GRIN2A: variants seen among roughly 807,000 people sequenced by gnomAD.
GRIN2A encodes the protein glutamate receptor ionotropic, NMDA 2A.
GRIN2A carries 22 observed loss-of-function variants against 113.4 expected under a neutral mutation model. The observed-to-expected ratio is 0.19, with a 90% CI of 0.14 to 0.28. The LOEUF is 0.28. Ranked by LOEUF, GRIN2A falls within the 10% of genes least tolerant of loss-of-function variation. The pLI is 1.00. For synonymous variants in GRIN2A, 827 were observed against 738.4 expected, an observed-to-expected ratio of 1.12 and a Z score of -1.94; for missense variants, 1,502 against 1,887.0, an observed-to-expected ratio of 0.80 and a Z score of 3.78.
Position 10,180,216 on chromosome 16 carries a change from C to A in GRIN2A, c.196G>T (p.Asp66Tyr). Residue 66 changes from aspartate to tyrosine, a missense_variant, in exon 2 of 13, where the codon GAC becomes TAC. This residue lies in a region of GRIN2A where 149 missense variants were observed against 179.1 expected (regional missense o/e 0.83). Transcript: ENST00000330684. The surrounding 1 kb of genome is among the most constrained non-coding windows in gnomAD (Gnocchi z 7.0). ...ATCAGCAGAGCTACCACGTTCACGT[C>A]CAGGGGCAGCCCCGCCGCCTGCTCG... ...GPEQAAGLPL[D>Y]VNVVALLMNR... 1 of 1,614,124 alleles carries A rather than the reference C, an allele frequency of 6.2e-7. No homozygotes were observed. Among genetic ancestry groups the A allele is most frequent in the Non-Finnish European group, 8.5e-7 (1 of 1,180,036 alleles).
intron 2 of GRIN2A, among the ~76,000 whole-genome samples, chr16:10,013,563 C>T (rs2046549306): frequency 6.6e-6 from 1 of 152,182 alleles, no homozygotes; most frequent in Non-Finnish European, 1.5e-5. Context: ...AGACTGCTCT[C>T]TCATGCCCTC....
At chr16:10,150,123 G>A (rs3885998) in intron 2 of GRIN2A, among the ~76,000 whole-genome samples, 12,210 of 152,262 alleles carry the variant, frequency 0.08, 566 homozygotes, top group South Asian at 0.12. Context: ...GCTGAAACTC[G>A]GTTGTTTGGA....
At chr16:9,817,376 G>T (rs941429685) in intron 10 of GRIN2A, among the ~76,000 whole-genome samples, 2 of 152,128 alleles carry the variant, frequency 1.3e-5, no homozygotes, top group Non-Finnish European at 2.9e-5. Flanking sequence ...GCCTTGTCCT[G>T]GGCCCAGGAA....
intron 2 of GRIN2A, among the ~76,000 whole-genome samples, chr16:9,982,880 A>T (rs1294611917): frequency 6.6e-6 from 1 of 152,220 alleles, no homozygotes; most frequent in Admixed American, 6.5e-5. Context: ...AAATAATTTA[A>T]AAACCAAACT....
intron 11 of GRIN2A, among the ~76,000 whole-genome samples, chr16:9,772,693 G>A (rs1310177830): frequency 6.6e-6 from 1 of 151,862 alleles, no homozygotes; most frequent in African/African-American, 2.4e-5. Context: ...AGTCTGGGAG[G>A]ACACAAAAAT....
intron 2 of GRIN2A, among the ~76,000 whole-genome samples, chr16:10,005,423 C>G (rs560901112): frequency 6.6e-6 from 1 of 152,248 alleles, no homozygotes; most frequent in East Asian, 1.9e-4. Context: ...TGCTATTTTT[C>G]AATCCAAAGG....
At chr16:9,901,702 C>T (rs933081665) in intron 3 of GRIN2A, among the ~76,000 whole-genome samples, 2 of 152,144 alleles carry the variant, frequency 1.3e-5, no homozygotes, top group African/African-American at 2.4e-5. Context: ...CCATCTGCCT[C>T]GGCCTCCCAA....
intron 2 of GRIN2A, among the ~76,000 whole-genome samples, chr16:9,943,824 A>G (rs781180753): frequency 6.6e-6 from 1 of 152,186 alleles, no homozygotes; most frequent in Non-Finnish European, 1.5e-5. Flanking sequence ...TAACCTATGC[A>G]TTGTGCCCCA....
At chr16:9,840,300 C>T (rs182120410) in intron 7 of GRIN2A, among the ~76,000 whole-genome samples, 2 of 152,094 alleles carry the variant, frequency 1.3e-5, no homozygotes, top group East Asian at 3.9e-4. Context: ...CCTTATTAAA[C>T]CCCTTATAAT....
intron 2 of GRIN2A, among the ~76,000 whole-genome samples, chr16:9,982,939 T>C (rs1474150572): frequency 6.6e-6 from 1 of 152,210 alleles, no homozygotes; most frequent in Admixed American, 6.5e-5. Context: ...TGTTCTAGGA[T>C]ATATGTATTT....
At chr16:9,795,454 C>G (rs142620795) in intron 11 of GRIN2A, among the ~76,000 whole-genome samples, 8 of 152,334 alleles carry the variant, frequency 5.3e-5, no homozygotes, top group African/African-American at 1.7e-4. Context: ...AGCCTTGGGT[C>G]TGCTCTGTCT....
At chr16:10,000,207 T>C (rs547982916) in intron 2 of GRIN2A, among the ~76,000 whole-genome samples, 2 of 152,296 alleles carry the variant, frequency 1.3e-5, no homozygotes, top group African/African-American at 4.8e-5. Flanking sequence ...TTGTAAAATC[T>C]CTTTTGCCAA....
intron 11 of GRIN2A, among the ~76,000 whole-genome samples, chr16:9,786,545 G>A (rs1902242022): frequency 1.3e-5 from 2 of 152,082 alleles, no homozygotes; most frequent in Admixed American, 6.6e-5. Flanking sequence ...AGTAAAAGAG[G>A]AAGGAGCACT....
At chr16:10,089,500 G>A (rs966016424) in intron 2 of GRIN2A, among the ~76,000 whole-genome samples, 5 of 152,150 alleles carry the variant, frequency 3.3e-5, no homozygotes, top group Admixed American at 1.3e-4. Context: ...AGTTGATACA[G>A]GTTATGGTTT....
intron 4 of GRIN2A, among the ~76,000 whole-genome samples, chr16:9,881,521 G>A (rs538085181): frequency 1.6e-4 from 24 of 152,318 alleles, no homozygotes; most frequent in African/African-American, 5.8e-4. Flanking sequence ...TTGAGGCAGG[G>A]CTAAGGCCTT....
intron 2 of GRIN2A, among the ~76,000 whole-genome samples, chr16:9,940,059 A>AGTGTGTGTGT (rs1348841299): frequency 1.7e-4 from 24 of 145,388 alleles, no homozygotes; most frequent in Non-Finnish European, 2.7e-4. Context: ...AGAGAGAGAG[A>AGTGTGTGTGT]GAGTGTGTGT....
intron 2 of GRIN2A, among the ~76,000 whole-genome samples, chr16:10,115,695 A>G (rs1246514761): frequency 6.6e-6 from 1 of 152,238 alleles, no homozygotes; most frequent in Non-Finnish European, 1.5e-5. Context: ...TGTATTCTCA[A>G]GCTGAAAACA....
intron 2 of GRIN2A, among the ~76,000 whole-genome samples, chr16:10,104,440 G>A (rs1315183132): frequency 6.6e-6 from 1 of 152,158 alleles, no homozygotes; most frequent in Non-Finnish European, 1.5e-5. Flanking sequence ...TATCATAGGA[G>A]TCCAATAAAT....
chr16:9,827,764 T>C (rs1339911305), intron 9 of GRIN2A, among the ~76,000 whole-genome samples: 2 of 152,192 alleles, frequency 1.3e-5, no homozygotes, highest in Admixed American at 1.3e-4. Flanking sequence ...AGGTGGGGTA[T>C]GCACAGTGTC....
Sources: gnomAD v4.1 joint callset for allele counts (sites outside exome capture counted in the v4.1 genomes callset) on GRCh38, gnomAD v4.1.1 for gene constraint, gnomAD v4.1.1 regional missense constraint, Gnocchi (gnomAD v3.1) non-coding constraint, MANE v1.5 for transcripts, NCBI Gene and HGNC (gene_info 2026-07-23, HGNC 2026-07-21) for gene names.